The following UBR1 variants were observed in gnomAD, a reference collection of about 807,000 sequenced individuals.
UBR1 encodes the protein E3 ubiquitin-protein ligase UBR1.
UBR1 carries 102 observed loss-of-function variants against 242.1 expected under a neutral mutation model. That is an observed-to-expected ratio of 0.42 (90% CI 0.36 to 0.50). The LOEUF is 0.50. Ranked by LOEUF, UBR1 falls within the 20% of genes least tolerant of loss-of-function variation. UBR1 has a pLI of 0.01. For missense variants in UBR1, 1,772 were observed against 2,101.8 expected, an observed-to-expected ratio of 0.84 and a Z score of 3.07; for synonymous variants, 675 against 684.8, an observed-to-expected ratio of 0.99 and a Z score of 0.22.
chr15:43,030,220 A>G (rs1403817866), intron 20 of UBR1, 152 bp from the exon 21 acceptor site: 4 of 895,296 alleles, frequency 4.5e-6, no homozygotes, highest in East Asian at 2.7e-5. Flanking sequence ...CCAAATCTGA[A>G]TAAGAATCTA....
intron 35 of UBR1, among the ~76,000 whole-genome samples, chr15:42,985,849 C>T (rs1257058144): frequency 6.6e-6 from 1 of 151,608 alleles, no homozygotes; most frequent in East Asian, 2.0e-4. Context: ...ATTAGCTGGG[C>T]GTGGTGGCAC....
Position 43,016,991 on chromosome 15 carries a change from C to T in UBR1, c.3027+104G>A, listed in dbSNP as rs190879207. 790 of 806,020 alleles carry T rather than the reference C, an allele frequency of 9.8e-4. 5 individuals carry two copies. The highest frequency in any genetic ancestry group is 7.9e-3 in the South Asian group (549 of 69,650). 49.9% of individuals were successfully genotyped at this position (806,020 alleles called of 1,614,324 possible). A position where few individuals can be genotyped will look rare whatever the true frequency, so the allele number is the denominator to read the frequency against. On this transcript the variant is annotated intron_variant, in intron 28 of 46. Transcript: ENST00000290650. ...GGACAGATCTCATATACTTCACAAT[C>T]AACAGGTTTCTCCTAACAAAAAAGC... is the stretch of plus-strand genomic sequence containing the variant.
At chr15:43,029,803 G>A in intron 21 of UBR1, 141 bp downstream of exon 21, 1 of 898,384 alleles carries the variant, frequency 1.1e-6, no homozygotes, top group South Asian at 1.6e-5. Context: ...TACCACTAAA[G>A]GATGAAGGTG....
intron 13 of UBR1, 103 bp from the exon 14 acceptor site, chr15:43,047,392 G>C: frequency 6.5e-7 from 1 of 1,548,194 alleles, no homozygotes; most frequent in South Asian, 1.1e-5. Context: ...TTTTAACATG[G>C]TTGTTACACT....
At chr15:43,010,276 T>TTC (rs1555445336) in intron 29 of UBR1, among the ~76,000 whole-genome samples, 2 of 152,060 alleles carry the variant, frequency 1.3e-5, no homozygotes, top group Non-Finnish European at 2.9e-5. Flanking sequence ...TGTCACAAGG[T>TTC]TCTAGTGGGC....
At chr15:42,965,462 T>C (rs1240973284) in intron 41 of UBR1, among the ~76,000 whole-genome samples, 1 of 147,940 alleles carries the variant, frequency 6.8e-6, no homozygotes, top group Admixed American at 6.7e-5. Flanking sequence ...TAGTCATATG[T>C]ACTTTTTTTT....
intron 30 of UBR1, 66 bp from the exon 31 acceptor site, chr15:43,003,996 A>G: frequency 9.9e-6 from 14 of 1,407,516 alleles, no homozygotes; most frequent in Non-Finnish European, 1.4e-5. Flanking sequence ...TCTAATCACA[A>G]ACTGTCTTAG....
At chr15:43,028,073 G>A (rs939592748) in intron 21 of UBR1, among the ~76,000 whole-genome samples, 2 of 152,102 alleles carry the variant, frequency 1.3e-5, no homozygotes, top group Admixed American at 1.3e-4. Context: ...CTTCATATGT[G>A]TGTATAAGTA....
At chr15:43,052,600 T>C (rs1261720723) in intron 12 of UBR1, among the ~76,000 whole-genome samples, 2 of 152,214 alleles carry the variant, frequency 1.3e-5, no homozygotes, top group East Asian at 1.9e-4. Flanking sequence ...TGACAGAATT[T>C]AGACTTTATC....
intron 35 of UBR1, chr15:42,988,579 G>T (rs2032510127): frequency 2.0e-6 from 1 of 507,724 alleles, no homozygotes; most frequent in Non-Finnish European, 3.5e-6. Context: ...ACCGTGCCCA[G>T]CTTTTTAAAA....
chr15:43,037,777 C>T lies in UBR1; in HGVS notation c.2018G>A (p.Ser673Asn), dbSNP rs1465075993. ...GAATAATAGACTTTGCTGTACCTGG[C>T]TAATAAGAGACAGTCCATTTCTTCG... Reference protein sequence around the residue: ...MWRRNGLSLISQVFYYQDVKC... With the variant: ...MWRRNGLSLINQVFYYQDVKC... The change falls in exon 17 of 47, where the codon AGC becomes AAC. Residue 673 changes from serine (S) to asparagine (N), a missense_variant. Around this residue, in one of 3 missense-constraint regions of UBR1, gnomAD observed 734 missense variants for 893.3 expected, o/e 0.82. Transcript: ENST00000290650. 6.2e-7 allele frequency: 1 copy of T among 1,613,792 alleles called. No individual in the cohort carries two copies. Among genetic ancestry groups the T allele is most frequent in the Non-Finnish European group, 8.5e-7 (1 of 1,179,852 alleles).
At chr15:43,001,707 C>T (rs1370911269) in intron 32 of UBR1, among the ~76,000 whole-genome samples, 1 of 152,048 alleles carries the variant, frequency 6.6e-6, no homozygotes, top group South Asian at 2.1e-4. Context: ...CTGTTAATTC[C>T]ATTTACAGAT....
intron 35 of UBR1, among the ~76,000 whole-genome samples, chr15:42,987,157 A>T (rs1325662180): frequency 1.3e-5 from 2 of 152,236 alleles, no homozygotes; most frequent in Non-Finnish European, 2.9e-5. Context: ...GGCTTTGCCC[A>T]TCAGTCCCCC....
chr15:43,073,130 C>T (rs1287046111), intron 4 of UBR1, among the ~76,000 whole-genome samples: 1 of 152,064 alleles, frequency 6.6e-6, no homozygotes, highest in Non-Finnish European at 1.5e-5. Flanking sequence ...CACTGTACTT[C>T]AGCCTGGGCG....
Position 43,059,289 on chromosome 15 carries a change from T to C in UBR1, c.986-97A>G, listed in dbSNP as rs1040250549. The C allele has an allele frequency of 1.5e-5, 16 of 1,053,034 alleles. 1 individual carries two copies. The Admixed American group carries it at 3.0e-4, about 20-fold the overall frequency. 65.2% of individuals were successfully genotyped at this position (1,053,034 alleles called of 1,614,324 possible). On this transcript the variant is annotated intron_variant, in intron 8 of 46. Coordinates refer to ENST00000290650, the MANE Select transcript of UBR1 (RefSeq NM_174916.3). ...TCTGTTGCCCAGGTTGGTCTTGAAC[T>C]CCTGGGCTCAAGCGATCCTTCCACC... is the stretch of plus-strand genomic sequence containing the variant.
chr15:42,957,274 G>T lies in UBR1; in HGVS notation c.4835+739C>A, dbSNP rs1032833417. Among the ~76,000 whole-genome samples the T allele has an allele frequency of 2.6e-5, 4 of 152,148 alleles. No individual in the cohort carries two copies. The East Asian group carries it at 7.7e-4, about 29-fold the overall frequency. Reference sequence around the variant, plus strand: ...TAAGTGAAAGAAGCCAAACACAAAAGGTCATATATTGTATCATTCCTTTCA... The same window carrying T: ...TAAGTGAAAGAAGCCAAACACAAAATGTCATATATTGTATCATTCCTTTCA... On this transcript the variant is annotated intron_variant, in intron 44 of 46. Transcript: ENST00000290650.
chr15:43,065,333 G>A (rs980440560), intron 6 of UBR1, among the ~76,000 whole-genome samples: 6 of 150,140 alleles, frequency 4.0e-5, no homozygotes, highest in African/African-American at 4.9e-5. Context: ...CCTCTGATTC[G>A]TTCTCCTTTC....
intron 2 of UBR1, 84 bp downstream of exon 2, chr15:43,085,900 C>G (rs2034029852): frequency 7.1e-7 from 1 of 1,416,962 alleles, no homozygotes; most frequent in East Asian, 2.5e-5. Flanking sequence ...CAGCCTGGGT[C>G]ACACAGCAAG....
At position 42,984,887 on chromosome 15, in the gene UBR1, C is replaced by T; in HGVS notation, c.4053G>A (p.Gln1351=). The part of the protein sequence containing the change: ...KPLFGALQNR[Q]HNGLKALMQF... ...ATGTACCTTGTTGGAATATACATAC[C>T]TGCCTATTTTGAAGTGCTCCAAACA... is the stretch of plus-strand genomic sequence containing the variant. The change falls in exon 36 of 47, where the codon CAG becomes CAA. Residue 1351 remains glutamine (Q), a splice_region_variant and synonymous_variant. Transcript: ENST00000290650. The T allele has an allele frequency of 6.2e-7, 1 of 1,610,950 alleles. No individual in the cohort carries two copies. Among genetic ancestry groups the T allele is most frequent in the Non-Finnish European group, 8.5e-7 (1 of 1,177,768 alleles).
Sources: gnomAD v4.1 joint callset for allele counts (sites outside exome capture counted in the v4.1 genomes callset) on GRCh38, gnomAD v4.1.1 for gene constraint, gnomAD v4.1.1 regional missense constraint, MANE v1.5 for transcripts, NCBI Gene and HGNC (gene_info 2026-07-23, HGNC 2026-07-21) for gene names.